The following ADGRV1 variants were observed in gnomAD, a reference collection of about 807,000 sequenced individuals.
ADGRV1 encodes the protein adhesion G protein-coupled receptor V1, also known as G-protein coupled receptor 98.
ADGRV1 carries 359 observed loss-of-function variants against 596.2 expected under a neutral mutation model. That is an observed-to-expected ratio of 0.60 (90% CI 0.55 to 0.66). ADGRV1 has a LOEUF of 0.66. ADGRV1 is among the 30% of genes least tolerant of loss of function. The pLI is 0.00. For synonymous variants in ADGRV1, 2,681 were observed against 2,679.2 expected (o/e 1.00, Z -0.02); for missense variants, 7,274 against 7,575.6 (o/e 0.96, Z 1.48).
chr5:90,563,186 T>C (rs527730329), intron 1 of ADGRV1, among the ~76,000 whole-genome samples: 3 of 152,332 alleles, frequency 2.0e-5, no homozygotes, highest in Non-Finnish European at 4.4e-5. Flanking sequence ...TAAAAATGCA[T>C]TTCATTCTCT....
Position 90,685,870 on chromosome 5 carries a change from T to G in ADGRV1, c.6365T>G (p.Leu2122Arg). 1 of 1,612,272 alleles carries G rather than the reference T, an allele frequency of 6.2e-7. No individual in the cohort carries two copies. Among genetic ancestry groups the G allele is most frequent in the Non-Finnish European group, 8.5e-7 (1 of 1,178,792 alleles). Residue 2122 changes from leucine (L) to arginine (R), a missense_variant, in exon 29 of 90, where the codon CTC (leucine) becomes CGC (arginine). By Grantham distance (102) the Leu-to-Arg change is moderately radical. Coordinates refer to ENST00000405460, the MANE Select transcript of ADGRV1 (RefSeq NM_032119.4). ...GATGATGCATTTGGAACTCTTCAGC[T>G]CTCAGCACCAATTGTCCGAGTGGCA... ...ANDDAFGTLQ[L>R]SAPIVRVAEN...
At position 90,840,873 on chromosome 5, in the gene ADGRV1, A is replaced by G. The variant is rs1765364809; in HGVS notation, c.16907A>G (p.His5636Arg). The change falls in exon 78 of 90, where the codon CAT (histidine) becomes CGT (arginine). Residue 5636 changes from histidine to arginine, a missense_variant. His to Arg is a conservative substitution (Grantham distance 29). Transcript: ENST00000405460. ...ATTTGGGGGCTTGCAGATCAGCTAC[A>G]TCAGCCTGTGAATGATGATATTCTC... Reference protein sequence around the residue: ...QAIWGLADQLHQPVNDDILNR... With the variant: ...QAIWGLADQLRQPVNDDILNR... The G allele has an allele frequency of 6.2e-7, 1 of 1,608,336 alleles. No individual in the cohort carries two copies. The highest frequency in any genetic ancestry group is 8.5e-7 in the Non-Finnish European group (1 of 1,176,266).
intron 83 of ADGRV1, among the ~76,000 whole-genome samples, chr5:90,959,967 G>A (rs960002901): frequency 2.6e-5 from 4 of 151,884 alleles, no homozygotes; most frequent in East Asian, 1.9e-4. Flanking sequence ...GTGAAACCCC[G>A]TCTCTACTAA....
chr5:90,773,478 TA>T (rs1337367792), intron 59 of ADGRV1, among the ~76,000 whole-genome samples: 1 of 151,978 alleles, frequency 6.6e-6, no homozygotes, highest in African/African-American at 2.4e-5. Context: ...GAGTTACCAG[TA>T]ATGAGAAACA....
chr5:90,950,479 G>A (rs911280969), intron 83 of ADGRV1, among the ~76,000 whole-genome samples: 5 of 151,994 alleles, frequency 3.3e-5, no homozygotes, highest in African/African-American at 1.2e-4. Context: ...CCGTCACCAT[G>A]CCCAGCTAAT....
intron 84 of ADGRV1, among the ~76,000 whole-genome samples, chr5:90,975,451 C>G (rs1329455968): frequency 6.6e-6 from 1 of 152,116 alleles, no homozygotes; most frequent in African/African-American, 2.4e-5. Flanking sequence ...GGAACTCACC[C>G]AAATGTCCAT....
chr5:90,983,163 T>A (rs939016715), intron 84 of ADGRV1, among the ~76,000 whole-genome samples: 9 of 152,202 alleles, frequency 5.9e-5, no homozygotes, highest in African/African-American at 2.2e-4. Context: ...CTTATGACAT[T>A]TGAAGCTTGT....
chr5:90,752,030 A>G (rs940272594), intron 53 of ADGRV1, among the ~76,000 whole-genome samples: 12 of 152,186 alleles, frequency 7.9e-5, no homozygotes, highest in Admixed American at 6.5e-4. Flanking sequence ...TCAGGGAGCT[A>G]GTATATCTTT....
chr5:91,155,047 T>TG (rs1796365765), intron 89 of ADGRV1, among the ~76,000 whole-genome samples: 1 of 152,202 alleles, frequency 6.6e-6, no homozygotes, highest in Non-Finnish European at 1.5e-5. Context: ...CTCAACCCTA[T>TG]ACTCAGATTA....
At chr5:91,137,052 G>A (rs967038275) in intron 87 of ADGRV1, among the ~76,000 whole-genome samples, 2 of 152,212 alleles carry the variant, frequency 1.3e-5, no homozygotes, top group Non-Finnish European at 2.9e-5. Flanking sequence ...GCAATTAAAA[G>A]TGGCACTACC....
intron 84 of ADGRV1, among the ~76,000 whole-genome samples, chr5:90,972,721 A>G (rs1197324127): frequency 1.3e-5 from 2 of 152,192 alleles, no homozygotes; most frequent in African/African-American, 2.4e-5. Flanking sequence ...AGGGAAATTT[A>G]TAGCACTAAA....
chr5:91,051,193 T>G (rs1220529313), intron 85 of ADGRV1, among the ~76,000 whole-genome samples: 2 of 152,220 alleles, frequency 1.3e-5, no homozygotes, highest in Non-Finnish European at 2.9e-5. Context: ...CTGAAGATAC[T>G]GATTATATGC....
At position 90,774,379 on chromosome 5, in the gene ADGRV1, CA is replaced by C. The variant is rs1356498542; in HGVS notation, c.12403+81del. 6.4e-6 allele frequency: 5 copies of C among 781,554 alleles called. 1 individual carries two copies. In the East Asian group the frequency reaches 1.1e-4, roughly 17 times the overall value. The allele number at this position is 781,554 out of a possible 1,614,324, so 48.4% of individuals were successfully genotyped here. A position where few individuals can be genotyped will look rare whatever the true frequency, so the allele number is the denominator to read the frequency against. On this transcript the variant is annotated intron_variant, in intron 60 of 89. Coordinates refer to ENST00000405460, the MANE Select transcript of ADGRV1 (RefSeq NM_032119.4). Reference sequence around the variant, plus strand: ...ATGTAATAAAAATAACCCGTAGTTACAAAAATGGACAGGGTTAGGTTTCATA... The same window carrying C: ...ATGTAATAAAAATAACCCGTAGTTACAAAATGGACAGGGTTAGGTTTCATA...
Position 90,854,105 on chromosome 5 carries a change from C to T in ADGRV1, c.17498C>T (p.Thr5833Ile), listed in dbSNP as rs758256273. 2 of 1,583,360 alleles carry T rather than the reference C, an allele frequency of 1.3e-6. No homozygotes were observed. Among genetic ancestry groups the T allele is most frequent in the South Asian group, 2.3e-5 (2 of 87,042 alleles). Reference sequence around the variant, plus strand: ...AAAGGTCAGAGTTCACAACTCCTGACTAATGACAATGAGGTTCTCTACAGG... The same window carrying T: ...AAAGGTCAGAGTTCACAACTCCTGATTAATGACAATGAGGTTCTCTACAGG... ...SVKGQSSQLL[T>I]NDNEVLYRIY... The change falls in exon 81 of 90, where the codon ACT (threonine) becomes ATT (isoleucine). Residue 5833 changes from threonine to isoleucine, a missense_variant. By Grantham distance (89) the Thr-to-Ile change is moderately conservative. Transcript: ENST00000405460.
chr5:90,859,397 C>T (rs183999681), intron 82 of ADGRV1, among the ~76,000 whole-genome samples: 142 of 152,190 alleles, frequency 9.3e-4, no homozygotes, highest in African/African-American at 2.7e-3. Flanking sequence ...TTTCAAGTGC[C>T]ATACCATATT....
intron 75 of ADGRV1, among the ~76,000 whole-genome samples, chr5:90,816,513 A>C (rs1762908731): frequency 6.6e-6 from 1 of 151,046 alleles, no homozygotes; most frequent in African/African-American, 2.4e-5. Flanking sequence ...TGCACCCATT[A>C]ACTCATCATT....
At chr5:90,973,632 C>A (rs1219082647) in intron 84 of ADGRV1, among the ~76,000 whole-genome samples, 3 of 152,130 alleles carry the variant, frequency 2.0e-5, no homozygotes, top group Admixed American at 1.3e-4. Context: ...GCAGAAAAGG[C>A]CTTTGACAAA....
intron 59 of ADGRV1, among the ~76,000 whole-genome samples, chr5:90,770,386 G>A (rs1175248611): frequency 2.0e-5 from 3 of 152,136 alleles, no homozygotes; most frequent in Non-Finnish European, 4.4e-5. Context: ...TGAGATTTGG[G>A]TGGGGACACA....
rs572852704 is a variant in ADGRV1, at chr5:90,990,060, C to T, written c.18152+4538C>T. Among the ~76,000 whole-genome samples the T allele has an allele frequency of 3.9e-4, 60 of 152,176 alleles. 1 individual carries two copies. The highest frequency in any genetic ancestry group is 3.7e-3 in the Admixed American group (56 of 15,280). ...CTCGAACTCCTGACCTCTGGTGATC[C>T]GCCCACCTCGGCCTCCCAAAGCGCT... On this transcript the variant is annotated intron_variant, in intron 85 of 89. Coordinates refer to ENST00000405460, the MANE Select transcript of ADGRV1 (RefSeq NM_032119.4).
Sources: allele counts gnomAD v4.1 joint callset (sites outside exome capture counted in the v4.1 genomes callset), GRCh38; gene constraint gnomAD v4.1.1; transcripts MANE v1.5; gene names NCBI Gene and HGNC (gene_info 2026-07-23, HGNC 2026-07-21).